Variants in TECPR2 observed in about 807,000 individuals in gnomAD.
TECPR2 encodes the protein tectonin beta-propeller repeat-containing protein 2.
TECPR2 carries 65 observed loss-of-function variants against 138.1 expected under a neutral mutation model. The ratio of observed to expected loss-of-function variants is 0.47; its 90% confidence interval spans 0.39 to 0.58. The LOEUF (loss-of-function observed/expected upper bound fraction) is 0.58, where lower values mean the gene tolerates loss of function less well. TECPR2 is among the 20% of genes least tolerant of loss of function. The probability of loss-of-function intolerance (pLI) is 0.00; values close to 1 mark genes in which losing one functional copy is unlikely to be tolerated. For missense variants in TECPR2, 1,553 were observed against 1,824.5 expected (o/e 0.85, Z 2.71); for synonymous variants, 746 against 749.8 (o/e 0.99, Z 0.08).
chr14:102,449,637 C>T lies in TECPR2; in HGVS notation c.3084C>T (p.Ile1028=). 1 of 1,614,128 alleles carries T rather than the reference C, an allele frequency of 6.2e-7. No homozygotes were observed. The highest frequency in any genetic ancestry group is 8.5e-7 in the Non-Finnish European group (1 of 1,179,980). The stretch of plus-strand genomic sequence containing the variant: ...TTGTCTCCTCCTTCCAGGTGAGCAT[C>T]ACGGACTATGTGGTGTTTGACCAGT... The part of the protein sequence containing the change: ...GDDDHWWQVS[I]TDYVVFDQCS... The change falls in exon 14 of 20, where the codon ATC becomes ATT. Residue 1028 remains isoleucine (I), a synonymous_variant. Transcript: ENST00000359520.
intron 2 of TECPR2, among the ~76,000 whole-genome samples, chr14:102,386,160 A>G (rs984749396): frequency 6.6e-6 from 1 of 151,948 alleles, no homozygotes; most frequent in Admixed American, 6.6e-5. Flanking sequence ...GTGGAGAATC[A>G]CAAGGGAGGT....
Position 102,401,439 on chromosome 14 carries a change from CAA to C in TECPR2, c.220-5883_220-5882del, listed in dbSNP as rs35011003. Among the ~76,000 whole-genome samples the C allele has an allele frequency of 2.8e-4, 16 of 57,046 alleles. No individual in the cohort carries two copies. In the East Asian group the frequency reaches 4.9e-3, roughly 17 times the overall value. 37.4% of individuals were successfully genotyped at this position (57,046 alleles called of 152,430 possible). Reference sequence around the variant, plus strand: ...GGGCAACAAGAGCAAAACTCCATCTCAAAAAAAAAAAAAAAAACAAAAAACAA... The same window carrying C: ...GGGCAACAAGAGCAAAACTCCATCTCAAAAAAAAAAAAAAACAAAAAACAA... On this transcript the variant is annotated intron_variant, in intron 2 of 19. Coordinates refer to ENST00000359520, the MANE Select transcript of TECPR2 (RefSeq NM_014844.5).
intron 2 of TECPR2, among the ~76,000 whole-genome samples, chr14:102,384,848 T>C (rs1398148765): frequency 1.0e-5 from 1 of 100,190 alleles, no homozygotes; most frequent in African/African-American, 5.4e-5. Flanking sequence ...TTCCTTTCCT[T>C]TTTTTTTTTT....
At chr14:102,463,416 C>CAAAAAAAAAAAAAAAAAAAAAAA in intron 16 of TECPR2, among the ~76,000 whole-genome samples, 1 of 38,530 alleles carries the variant, frequency 2.6e-5, no homozygotes, top group Non-Finnish European at 5.6e-5. Context: ...GACTCCGTCT[C>CAAAAAAAAAAAAAAAAAAAAAAA]AAAAAAAAAA....
At chr14:102,492,106 T>C (rs1891171804) in intron 17 of TECPR2, among the ~76,000 whole-genome samples, 2 of 152,202 alleles carry the variant, frequency 1.3e-5, no homozygotes, top group African/African-American at 4.8e-5. Flanking sequence ...AATGACTTGC[T>C]CTTCCTCTTT....
At chr14:102,431,678 G>GT in intron 7 of TECPR2, 118 bp from the exon 8 acceptor site, 1 of 1,067,056 alleles carries the variant, frequency 9.4e-7, no homozygotes, top group Non-Finnish European at 1.4e-6. Context: ...GAATCATTCA[G>GT]TTCTTTAGCT....
intron 2 of TECPR2, among the ~76,000 whole-genome samples, chr14:102,383,300 T>C (rs1254959142): frequency 6.6e-6 from 1 of 152,250 alleles, no homozygotes; most frequent in Non-Finnish European, 1.5e-5. Context: ...GTAAGGTTTA[T>C]ATGCGTTAGC....
chr14:102,441,978 ATGT>A (rs970547730), intron 11 of TECPR2, among the ~76,000 whole-genome samples: 7 of 152,006 alleles, frequency 4.6e-5, no homozygotes, highest in African/African-American at 1.4e-4. Flanking sequence ...TTCCAGGAGA[ATGT>A]TGTTGTTGTT....
chr14:102,471,788 G>C (rs1336740291), intron 17 of TECPR2, among the ~76,000 whole-genome samples: 5 of 152,026 alleles, frequency 3.3e-5, no homozygotes, highest in Admixed American at 3.3e-4. Flanking sequence ...CAATTTTGTT[G>C]CTCTTTTCAA....
intron 5 of TECPR2, 30 bp from the exon 6 acceptor site, chr14:102,424,949 T>G: frequency 2.5e-6 from 4 of 1,572,678 alleles, no homozygotes; most frequent in Non-Finnish European, 3.5e-6. Context: ...TGTCTGTTTT[T>G]TGTTCTTTCT....
intron 16 of TECPR2, among the ~76,000 whole-genome samples, chr14:102,453,444 C>T (rs1595134455): frequency 6.6e-6 from 1 of 151,294 alleles, no homozygotes; most frequent in Non-Finnish European, 1.5e-5. Context: ...CATGCCATTG[C>T]ACTCCAGCCC....
rs536768454 is a variant in TECPR2 at position 102,381,265 on chromosome 14, G to A, written c.219+4325G>A. Among the ~76,000 whole-genome samples, 5 of 152,310 alleles carry A rather than the reference G, an allele frequency of 3.3e-5. No individual in the cohort carries two copies. In the East Asian group the frequency reaches 9.7e-4, roughly 29 times the overall value. On this transcript the variant is annotated intron_variant, in intron 2 of 19. Transcript: ENST00000359520. ...TGTGAGCCACTGCGCCTGGCCGATA[G>A]TAGCACATTTTTAAAGTGGCTGAGA...
rs928317227 is a variant in TECPR2, at chr14:102,415,941, C to T, written c.638+1148C>T. 1.4e-4 allele frequency among the ~76,000 whole-genome samples: 22 copies of T among 152,040 alleles called. No homozygotes were observed. The highest frequency in any genetic ancestry group is 4.6e-4 in the African/African-American group (19 of 41,394). The stretch of plus-strand genomic sequence containing the variant: ...TTGGGGACAGGCCGTCCTGGAGAGT[C>T]GGGTGAGGCGGAGCCAGCCCCTGTG... On this transcript the variant is annotated intron_variant, in intron 5 of 19. Transcript: ENST00000359520. The surrounding 1 kb of genome is among the most constrained non-coding windows in gnomAD (Gnocchi z 4.3).
At chr14:102,363,491 C>G (rs1887246355) in intron 1 of TECPR2, among the ~76,000 whole-genome samples, 1 of 152,074 alleles carries the variant, frequency 6.6e-6, no homozygotes, top group South Asian at 2.1e-4. Flanking sequence ...ACGTCGTGTT[C>G]TGTCCCCCAC....
intron 16 of TECPR2, among the ~76,000 whole-genome samples, chr14:102,459,166 A>G (rs975769591): frequency 2.0e-5 from 3 of 152,044 alleles, no homozygotes; most frequent in Non-Finnish European, 4.4e-5. Context: ...CCTGGGCTCC[A>G]GTGATGCTCC....
In TECPR2 at chr14:102,419,143, G is replaced by A. The variant is rs1889106803; in HGVS notation, c.638+4350G>A. 6.6e-6 allele frequency among the ~76,000 whole-genome samples: 1 copy of A among 152,098 alleles called. No homozygotes were observed. Among genetic ancestry groups the A allele is most frequent in the Non-Finnish European group, 1.5e-5 (1 of 68,018 alleles). Reference sequence around the variant, plus strand: ...TTCTGAAGAGGAAAGGGCATCAGGAGAGAACAGGAGTTGGGGGGTCAGAGG... The same window carrying A: ...TTCTGAAGAGGAAAGGGCATCAGGAAAGAACAGGAGTTGGGGGGTCAGAGG... On this transcript the variant is annotated intron_variant, in intron 5 of 19. Coordinates refer to ENST00000359520, the MANE Select transcript of TECPR2 (RefSeq NM_014844.5). This position sits in a 1 kb window ranked among gnomAD's most constrained non-coding sequence, Gnocchi z 4.8.
intron 16 of TECPR2, among the ~76,000 whole-genome samples, chr14:102,458,966 C>CATATATATATATATATATATATAT (rs3068229): frequency 3.6e-5 from 5 of 138,376 alleles, no homozygotes; most frequent in African/African-American, 1.3e-4. Flanking sequence ...AAAATACACA[C>CATATATATATATATATATATATAT]ATATATATAT....
rs754697484 is a variant in TECPR2, at chr14:102,449,796, C to T, written c.3243C>T (p.Leu1081=). ...AGCTTCAGTGCCAGCCAAGCCTTCT[C>T]GGGGTCAATAACAGCGGTGTCTGGA... ...SQQLQCQPSL[L]GVNNSGVWIS... Residue 1081 remains leucine, a synonymous_variant, in exon 14 of 20, where the codon CTC becomes CTT. Transcript: ENST00000359520. 2.4e-5 allele frequency: 38 copies of T among 1,613,990 alleles called. No individual in the cohort carries two copies. Among genetic ancestry groups the T allele is most frequent in the Middle Eastern group, 1.6e-4 (1 of 6,084 alleles).
rs1242071368 is a variant in TECPR2 at position 102,435,031 on chromosome 14, C to G, written c.2214C>G (p.Pro738=). The G allele has an allele frequency of 1.2e-6, 2 of 1,614,112 alleles. No homozygotes were observed. The highest frequency in any genetic ancestry group is 2.2e-5 in the South Asian group (2 of 91,084). The change falls in exon 9 of 20, where the codon CCC becomes CCG. Residue 738 remains proline (P), a synonymous_variant. Coordinates refer to ENST00000359520, the MANE Select transcript of TECPR2 (RefSeq NM_014844.5). ...VSALAASTHK[P]WLEQPPRDQT... ...CCTTGGCAGCCAGCACTCACAAGCC[C>G]TGGCTTGAGCAGCCTCCACGGGATC...
Sources: allele counts gnomAD v4.1 joint callset (sites outside exome capture counted in the v4.1 genomes callset), GRCh38; gene constraint gnomAD v4.1.1; non-coding constraint Gnocchi (gnomAD v3.1); transcripts MANE v1.5; gene names NCBI Gene and HGNC (gene_info 2026-07-23, HGNC 2026-07-21).